The following CDKL1 variants were observed in gnomAD, a reference collection of about 807,000 sequenced individuals.
CDKL1 encodes the protein cyclin dependent kinase like 1, also known as cyclin-dependent kinase-like 1.
In CDKL1, 41 loss-of-function variants were observed where a neutral mutation model predicts 42.0. That is an observed-to-expected ratio of 0.98 (90% confidence interval 0.76 to 1.27). The LOEUF (loss-of-function observed/expected upper bound fraction) is 1.27. Ranked by LOEUF, CDKL1 falls within the 50% of genes most tolerant of loss-of-function variation. The pLI, the probability that CDKL1 is intolerant of heterozygous loss-of-function variation, is 0.00. For synonymous variants in CDKL1, 153 were observed against 158.6 expected (o/e 0.96, Z 0.26); for missense variants, 394 against 428.4 (o/e 0.92, Z 0.71).
At chr14:50,357,953 A>C in intron 3 of CDKL1, 369 of 712,818 alleles carry the variant, frequency 5.2e-4, no homozygotes, top group Non-Finnish European at 7.7e-4. Flanking sequence ...AAGAACAGCC[A>C]CTACCTACGT....
chr14:50,397,271 G>T (rs570060358), upstream of CDKL1: 7 of 1,366,476 alleles, frequency 5.1e-6, no homozygotes, highest in East Asian at 2.7e-4. Context: ...CTGTGTCTGT[G>T]CTGATCAGTG....
intron 7 of CDKL1, chr14:50,335,480 T>A: frequency 1.3e-6 from 2 of 1,536,094 alleles, no homozygotes; most frequent in African/African-American, 2.7e-5. Context: ...AACAGTCTCC[T>A]GTGGGGCATT....
At chr14:50,397,024 AG>A (rs755213924), upstream of CDKL1, 7 of 1,230,282 alleles carry the variant, frequency 5.7e-6, no homozygotes, top group Non-Finnish European at 5.3e-6. Context: ...AAGGCCTCGG[AG>A]GGCCGCCCTC....
At chr14:50,336,034 G>A (rs745608366) in intron 7 of CDKL1, 5 of 1,366,158 alleles carry the variant, frequency 3.7e-6, no homozygotes, top group Middle Eastern at 2.1e-4. Flanking sequence ...TCTTTCTGTC[G>A]GTTGAATCTG....
At chr14:50,397,264 TG>T, upstream of CDKL1, 1 of 1,366,488 alleles carries the variant, frequency 7.3e-7, no homozygotes, top group Non-Finnish European at 9.8e-7. Context: ...GCATCTTCTG[TG>T]TCTGTGCTGA....
At chr14:50,361,566 G>C (rs1485777469) in intron 2 of CDKL1, among the ~76,000 whole-genome samples, 4 of 152,226 alleles carry the variant, frequency 2.6e-5, no homozygotes, top group African/African-American at 9.6e-5. Flanking sequence ...CCTTGTTGCT[G>C]TGTCCTCACA....
Position 50,341,142 on chromosome 14 carries a change from G to A in CDKL1, c.545C>T (p.Pro182Leu), listed in dbSNP as rs762377622. ...ACAGCCAATTGCCCAAACATCCACC[G>A]GGGGGCCGTACTGCGTGTCCCCCAC... Reference protein sequence around the residue: ...LLVGDTQYGPPVDVWAIGCVF... With the variant: ...LLVGDTQYGPLVDVWAIGCVF... The change falls in exon 6 of 10, where the codon CCG becomes CTG. Residue 182 changes from proline (P) to leucine (L), a missense_variant. Pro to Leu is a moderately conservative substitution (Grantham distance 98). Transcript: ENST00000395834. 28 of 1,613,914 alleles carry A rather than the reference G, an allele frequency of 1.7e-5. No homozygotes were observed. The Admixed American group carries it at 1.8e-4, about 11-fold the overall frequency.
intron 9 of CDKL1, 196 bp from the exon 10 acceptor site, chr14:50,330,377 G>C: frequency 1.8e-6 from 1 of 562,466 alleles, no homozygotes; most frequent in Non-Finnish European, 2.9e-6. Flanking sequence ...TATTAAAAAG[G>C]AAAAACATTC....
At chr14:50,359,219 T>A in intron 2 of CDKL1, 70 bp from the exon 3 acceptor site, 1 of 1,526,808 alleles carries the variant, frequency 6.5e-7, no homozygotes, top group Admixed American at 1.9e-5. Flanking sequence ...CTTGATCCAA[T>A]AAAAAGTAAG....
chr14:50,365,353 A>T (rs2034407414), intron 2 of CDKL1, among the ~76,000 whole-genome samples: 3 of 152,182 alleles, frequency 2.0e-5, no homozygotes, highest in Admixed American at 1.3e-4. Context: ...CCTCCATGAG[A>T]TGATCTTCAA....
At position 50,373,174 on chromosome 14, in the gene CDKL1, T is replaced by C. The variant is rs369642861; in HGVS notation, c.169-14025A>G. ...AATTCACTATGTTAAAAAAACACTA[T>C]AAACAACGCCAAAAGACAAATAATT... On this transcript the variant is annotated intron_variant, in intron 2 of 9. Transcript: ENST00000395834. 2.2e-4 allele frequency among the ~76,000 whole-genome samples: 34 copies of C among 152,232 alleles called. No individual in the cohort carries two copies. The South Asian group carries it at 6.4e-3, about 29-fold the overall frequency.
In CDKL1 at chr14:50,389,122, A is replaced by G. The variant is rs866852574; in HGVS notation, c.168+6579T>C. Among the ~76,000 whole-genome samples, 127 of 140,140 alleles carry G rather than the reference A, an allele frequency of 9.1e-4. 2 individuals carry two copies. In the Middle Eastern group the frequency reaches 0.018, roughly 20 times the overall value. The allele number at this position is 140,140 out of a possible 152,430, so 91.9% of individuals were successfully genotyped here. ...CAAAAAAAAAAAAAAAAAAAAAAAA[A>G]AGAGAGAGAAAAGAAAACTGAAGTC... On this transcript the variant is annotated intron_variant, in intron 2 of 9. Coordinates refer to ENST00000395834, the MANE Select transcript of CDKL1 (RefSeq NM_004196.7).
chr14:50,336,771 A>C (rs565446313), intron 7 of CDKL1, among the ~76,000 whole-genome samples: 47 of 152,288 alleles, frequency 3.1e-4, no homozygotes, highest in African/African-American at 1.0e-3. Flanking sequence ...AAAATATAAA[A>C]AATCATAAAG....
At chr14:50,332,114 C>G in intron 9 of CDKL1, 148 bp downstream of exon 9, 1 of 1,601,606 alleles carries the variant, frequency 6.2e-7, no homozygotes, top group Non-Finnish European at 8.5e-7. Flanking sequence ...AGACAGATGT[C>G]CCTGGGGCCC....
intron 2 of CDKL1, chr14:50,363,106 C>T (rs1426950916): frequency 3.3e-6 from 1 of 299,880 alleles, no homozygotes; most frequent in Non-Finnish European, 7.6e-6. Flanking sequence ...AGGTCTGCAG[C>T]TTCACTCTTG....
intron 2 of CDKL1, among the ~76,000 whole-genome samples, chr14:50,373,756 C>T (rs1477172446): frequency 6.6e-6 from 1 of 151,974 alleles, no homozygotes; most frequent in Non-Finnish European, 1.5e-5. Flanking sequence ...GGCTAAAATC[C>T]CCCAAAAAGC....
At chr14:50,353,125 C>G (rs1021902297) in intron 3 of CDKL1, among the ~76,000 whole-genome samples, 5 of 152,192 alleles carry the variant, frequency 3.3e-5, no homozygotes, top group African/African-American at 1.2e-4. Flanking sequence ...TACCTCCGCC[C>G]TGATGCATTA....
chr14:50,371,636 T>G (rs1566600148), intron 2 of CDKL1, among the ~76,000 whole-genome samples: 1 of 152,150 alleles, frequency 6.6e-6, no homozygotes, highest in African/African-American at 2.4e-5. Context: ...CTGGCTGCAG[T>G]GGGGGAGGCG....
chr14:50,358,634 G>GTTTTTTT (rs1379484175), intron 3 of CDKL1, among the ~76,000 whole-genome samples: 2 of 45,120 alleles, frequency 4.4e-5, no homozygotes, highest in Non-Finnish European at 9.1e-5. Context: ...TTTTTAACTA[G>GTTTTTTT]TCTTTTTTTT....
Sources: gnomAD v4.1 joint callset for allele counts (sites outside exome capture counted in the v4.1 genomes callset) on GRCh38, gnomAD v4.1.1 for gene constraint, MANE v1.5 for transcripts, NCBI Gene and HGNC (gene_info 2026-07-23, HGNC 2026-07-21) for gene names.